Variants in NMNAT2 observed in about 807,000 individuals in gnomAD.
The protein encoded by NMNAT2 is nicotinamide/nicotinic acid mononucleotide adenylyltransferase 2.
NMNAT2 carries 11 observed loss-of-function variants against 41.6 expected under a neutral mutation model. The ratio of observed to expected loss-of-function variants is 0.26; its 90% CI spans 0.17 to 0.44. The LOEUF (loss-of-function observed/expected upper bound fraction) is 0.44, where lower values mean the gene tolerates loss of function less well. Among genes scored for constraint, NMNAT2 ranks in the 20% least tolerant of loss-of-function variants. The pLI, the probability that NMNAT2 is intolerant of heterozygous loss-of-function variation, is 1.00. For synonymous variants in NMNAT2, 148 were observed against 151.2 expected, an observed-to-expected ratio of 0.98 and a Z score of 0.16; for missense variants, 288 against 407.7, an observed-to-expected ratio of 0.71 and a Z score of 2.53.
chr1:183,356,319 A>G (rs1336733859), intron 1 of NMNAT2, among the ~76,000 whole-genome samples: 1 of 152,222 alleles, frequency 6.6e-6, no homozygotes, highest in Non-Finnish European at 1.5e-5. Flanking sequence ...CCCATAAGTC[A>G]TAGACAGCCA....
intron 1 of NMNAT2, among the ~76,000 whole-genome samples, chr1:183,320,322 G>T (rs909194880): frequency 3.9e-5 from 6 of 152,148 alleles, no homozygotes; most frequent in African/African-American, 7.2e-5. Flanking sequence ...AAAATTTCTG[G>T]CCAGGCACGG....
rs184290587 is a variant in NMNAT2, at chr1:183,333,398, A to C, written c.86-39605T>G. ...AGAAGGGACTTTACAGATGTGATTC[A>C]GTTAAGGATCTTCAAATGGGAAGAT... is the stretch of plus-strand genomic sequence containing the variant. On this transcript the variant is annotated intron_variant, in intron 1 of 10. Coordinates refer to ENST00000287713, the MANE Select transcript of NMNAT2 (RefSeq NM_015039.4). Among the ~76,000 whole-genome samples, 5 of 152,354 alleles carry C rather than the reference A, an allele frequency of 3.3e-5. No individual in the cohort carries two copies. The East Asian group carries it at 9.6e-4, about 29-fold the overall frequency.
At chr1:183,325,128 A>G (rs1353782208) in intron 1 of NMNAT2, among the ~76,000 whole-genome samples, 1 of 152,138 alleles carries the variant, frequency 6.6e-6, no homozygotes, top group Non-Finnish European at 1.5e-5. Flanking sequence ...GCCAATATCC[A>G]TCCTGATCTG....
rs79799752 is a variant in NMNAT2, at chr1:183,402,182, T to C, written c.85+16001A>G. 8.6e-4 allele frequency among the ~76,000 whole-genome samples: 131 copies of C among 152,312 alleles called. 1 individual carries two copies. In the East Asian group the frequency reaches 0.021, roughly 24 times the overall value. On this transcript the variant is annotated intron_variant, in intron 1 of 10. Coordinates refer to ENST00000287713, the MANE Select transcript of NMNAT2 (RefSeq NM_015039.4). ...TGACTCTCTTCTTCATTGTTCTTGT[T>C]CTTAAATGACTAGGAGAGACCAGAG...
chr1:183,417,031 C>T (rs1385104885), intron 1 of NMNAT2, among the ~76,000 whole-genome samples: 3 of 152,178 alleles, frequency 2.0e-5, no homozygotes, highest in Admixed American at 6.5e-5. Context: ...CCCTACTCCT[C>T]GCTTCTCTCA....
chr1:183,347,684 G>C (rs1662962388), intron 1 of NMNAT2, among the ~76,000 whole-genome samples: 2 of 152,300 alleles, frequency 1.3e-5, no homozygotes, highest in African/African-American at 4.8e-5. Context: ...GAGTCTATAA[G>C]TGACTGCAGG....
intron 1 of NMNAT2, among the ~76,000 whole-genome samples, chr1:183,330,916 C>T (rs1325438715): frequency 6.6e-6 from 1 of 152,128 alleles, no homozygotes; most frequent in Non-Finnish European, 1.5e-5. Context: ...TGTAAATGAT[C>T]CTAATGTTTC....
chr1:183,347,934 C>T (rs1455638845), intron 1 of NMNAT2, among the ~76,000 whole-genome samples: 1 of 152,120 alleles, frequency 6.6e-6, no homozygotes, highest in East Asian at 1.9e-4. Context: ...ACTACTTGCG[C>T]TGGGAGGGTT....
At chr1:183,318,221 C>T (rs781655079) in intron 1 of NMNAT2, among the ~76,000 whole-genome samples, 1 of 152,222 alleles carries the variant, frequency 6.6e-6, no homozygotes, top group Non-Finnish European at 1.5e-5. Flanking sequence ...AGTGACATGG[C>T]CTGAGCCCTG....
At chr1:183,339,550 G>T (rs1000603416) in intron 1 of NMNAT2, among the ~76,000 whole-genome samples, 2 of 151,794 alleles carry the variant, frequency 1.3e-5, no homozygotes, top group African/African-American at 4.8e-5. Context: ...CAGAGCTGAA[G>T]GTCCTTGGAC....
intron 1 of NMNAT2, among the ~76,000 whole-genome samples, chr1:183,374,455 T>C (rs1663629490): frequency 6.6e-6 from 1 of 152,296 alleles, no homozygotes; most frequent in Non-Finnish European, 1.5e-5. Context: ...TCATAATCAT[T>C]CATTCCAGAA....
chr1:183,315,130 G>A (rs576416162), intron 1 of NMNAT2, among the ~76,000 whole-genome samples: 5 of 152,042 alleles, frequency 3.3e-5, no homozygotes, highest in Admixed American at 2.0e-4. Flanking sequence ...TCTGATCATT[G>A]GTCTATCTCA....
At chr1:183,324,837 C>T (rs1167967424) in intron 1 of NMNAT2, among the ~76,000 whole-genome samples, 3 of 152,168 alleles carry the variant, frequency 2.0e-5, no homozygotes, top group South Asian at 2.1e-4. Context: ...TAGACTTAAA[C>T]TCCCCGGGGG....
At chr1:183,264,604 C>T (rs148669365) in intron 8 of NMNAT2, among the ~76,000 whole-genome samples, 12 of 152,144 alleles carry the variant, frequency 7.9e-5, no homozygotes, top group Admixed American at 7.2e-4. Context: ...AATCTGGGTC[C>T]CTTGCCCCCA....
In NMNAT2 at chr1:183,293,750, C is replaced by A; in HGVS notation, c.129G>T (p.Val43=). The A allele has an allele frequency of 1.9e-6, 3 of 1,614,150 alleles. No individual in the cohort carries two copies. Among genetic ancestry groups the A allele is most frequent in the Non-Finnish European group, 2.5e-6 (3 of 1,180,000 alleles). Residue 43 remains valine, a synonymous_variant, in exon 2 of 11, where the codon GTG becomes GTT. Transcript: ENST00000287713. Reference sequence around the variant, plus strand: ...GGACAGGGGAGACAATCCCGCCAATCACAATAAACCTTCCAGTTTTGTGCA... The same window carrying A: ...GGACAGGGGAGACAATCCCGCCAATAACAATAAACCTTCCAGTTTTGTGCA... ...DYLHKTGRFI[V]IGGIVSPVHD... is the part of the protein sequence containing the mutation.
intron 1 of NMNAT2, among the ~76,000 whole-genome samples, chr1:183,392,100 C>A (rs907892753): frequency 6.6e-6 from 1 of 152,164 alleles, no homozygotes; most frequent in African/African-American, 2.4e-5. Context: ...ATTTTTGGCT[C>A]AGGCTGAACT....
intron 1 of NMNAT2, among the ~76,000 whole-genome samples, chr1:183,337,372 TACA>T (rs1285110800): frequency 6.6e-6 from 1 of 152,040 alleles, no homozygotes. Context: ...TTGATGAAAA[TACA>T]ACAACAAATT....
intron 1 of NMNAT2, among the ~76,000 whole-genome samples, chr1:183,380,153 G>A (rs137878266): frequency 2.6e-5 from 4 of 152,294 alleles, no homozygotes; most frequent in African/African-American, 9.6e-5. Context: ...TTCAGAACTA[G>A]GAAAGTCTCT....
intron 8 of NMNAT2, among the ~76,000 whole-genome samples, chr1:183,275,822 G>A (rs955343965): frequency 5.3e-5 from 8 of 152,020 alleles, no homozygotes; most frequent in Non-Finnish European, 1.0e-4. Context: ...ACAGGAGCCC[G>A]CCACCACGCC....
Sources: gnomAD v4.1 joint callset for allele counts (sites outside exome capture counted in the v4.1 genomes callset) on GRCh38, gnomAD v4.1.1 for gene constraint, MANE v1.5 for transcripts, NCBI Gene and HGNC (gene_info 2026-07-23, HGNC 2026-07-21) for gene names.